The following APBB2 variants were observed in gnomAD, a reference collection of about 807,000 sequenced individuals.
APBB2 encodes amyloid beta precursor protein binding family B member 2.
Under a neutral mutation model 82.5 loss-of-function variants are expected in APBB2, and 38 were observed. The ratio of observed to expected loss-of-function variants is 0.46; its 90% CI spans 0.36 to 0.60. The LOEUF is 0.60. APBB2 is among the 20% of genes least tolerant of loss of function. The probability of loss-of-function intolerance (pLI) is 0.00; values close to 1 mark genes in which losing one functional copy is unlikely to be tolerated. For missense variants in APBB2, 772 were observed against 972.3 expected (o/e 0.79, Z 2.74); for synonymous variants, 341 against 368.2 (o/e 0.93, Z 0.85).
At chr4:40,930,723 C>A (rs931697774) in intron 10 of APBB2, among the ~76,000 whole-genome samples, 1 of 151,988 alleles carries the variant, frequency 6.6e-6, no homozygotes, top group Non-Finnish European at 1.5e-5. Context: ...TTTAGAATTC[C>A]ATAGTATATC....
chr4:41,085,664 A>G (rs1242075675), intron 3 of APBB2, among the ~76,000 whole-genome samples: 1 of 152,214 alleles, frequency 6.6e-6, no homozygotes, highest in African/African-American at 2.4e-5. Flanking sequence ...GAGTAGTGAG[A>G]CAAAGGCACT....
chr4:41,159,248 T>TTC (rs907002705), intron 1 of APBB2, among the ~76,000 whole-genome samples: 24 of 152,104 alleles, frequency 1.6e-4, no homozygotes, highest in Middle Eastern at 3.4e-3. Flanking sequence ...CTCTTTTTCT[T>TTC]TCTCTCTCTC....
chr4:41,119,540 A>G (rs1752167029), intron 2 of APBB2, among the ~76,000 whole-genome samples: 1 of 151,638 alleles, frequency 6.6e-6, no homozygotes, highest in Non-Finnish European at 1.5e-5. Flanking sequence ...AAAAAAAAAA[A>G]AAGTTGGCAA....
intron 6 of APBB2, among the ~76,000 whole-genome samples, chr4:40,969,962 G>T (rs1413749625): frequency 6.6e-6 from 1 of 152,136 alleles, no homozygotes; most frequent in African/African-American, 2.4e-5. Context: ...CTGTATAACA[G>T]CCCTGTAATT....
intron 1 of APBB2, among the ~76,000 whole-genome samples, chr4:41,157,586 T>C (rs139281825): frequency 1.4e-4 from 22 of 152,316 alleles, no homozygotes; most frequent in African/African-American, 4.6e-4. Flanking sequence ...ACTGCTGCAA[T>C]GCATGGATCT....
chr4:40,889,724 T>C (rs1198880060), intron 12 of APBB2, among the ~76,000 whole-genome samples: 1 of 152,244 alleles, frequency 6.6e-6, no homozygotes, highest in African/African-American at 2.4e-5. Flanking sequence ...TCGTTTCCAA[T>C]CATCCTGGAG....
At chr4:41,078,784 T>A (rs1030382265) in intron 3 of APBB2, among the ~76,000 whole-genome samples, 1 of 152,306 alleles carries the variant, frequency 6.6e-6, no homozygotes, top group Admixed American at 6.5e-5. Context: ...GTGACTTTTA[T>A]CCTTATGTCG....
intron 4 of APBB2, among the ~76,000 whole-genome samples, chr4:41,037,503 T>C (rs1316132749): frequency 6.6e-6 from 1 of 152,186 alleles, no homozygotes; most frequent in African/African-American, 2.4e-5. Context: ...TACATGAATA[T>C]TTGCTAGGGT....
Position 41,180,031 on chromosome 4 carries a change from C to G in APBB2, c.-417+34374G>C, listed in dbSNP as rs978818496. Among the ~76,000 whole-genome samples, 2 of 152,138 alleles carry G rather than the reference C, an allele frequency of 1.3e-5. 1 individual carries two copies. Among genetic ancestry groups the G allele is most frequent in the Admixed American group, 1.3e-4 (2 of 15,274 alleles). ...TTTCTTTCATACTTAAATTTCAATG[C>G]TGAATTTAAGAGACCAACATCAGAT... On this transcript the variant is annotated intron_variant, in intron 1 of 17. Transcript: ENST00000508593.
chr4:41,173,813 G>A (rs1192716572), intron 1 of APBB2, among the ~76,000 whole-genome samples: 2 of 151,674 alleles, frequency 1.3e-5, no homozygotes, highest in African/African-American at 2.4e-5. Context: ...ACTCTACAAC[G>A]TTCGCACAAC....
At chr4:41,136,713 G>GT (rs1274271810) in intron 2 of APBB2, among the ~76,000 whole-genome samples, 46 of 152,208 alleles carry the variant, frequency 3.0e-4, no homozygotes, top group Admixed American at 3.0e-3. Context: ...GTAATCTCCA[G>GT]TTAAAGCCCA....
chr4:41,114,565 A>C (rs1750317517), intron 2 of APBB2, among the ~76,000 whole-genome samples: 1 of 152,258 alleles, frequency 6.6e-6, no homozygotes, highest in African/African-American at 2.4e-5. Context: ...TTGTGTATTT[A>C]GAAAGCCCCA....
intron 6 of APBB2, among the ~76,000 whole-genome samples, chr4:40,948,534 G>C (rs1341726899): frequency 6.6e-6 from 1 of 152,074 alleles, no homozygotes; most frequent in Non-Finnish European, 1.5e-5. Context: ...GCCGAGGCGG[G>C]CAGATCACTT....
chr4:40,888,033 A>G lies in APBB2; in HGVS notation c.1529+2331T>C, dbSNP rs559478604. Among the ~76,000 whole-genome samples, 14 of 152,310 alleles carry G rather than the reference A, an allele frequency of 9.2e-5. No individual in the cohort carries two copies. In the East Asian group the frequency reaches 2.3e-3, roughly 25 times the overall value. ...AGATCACGTGATCAAGCGTACTTCA[A>G]GTCTCCCTGCGGTCTGACTCCTCTC... is the stretch of plus-strand genomic sequence containing the variant. On this transcript the variant is annotated intron_variant, in intron 12 of 17. Transcript: ENST00000508593.
At chr4:40,922,005 A>C (rs1781382822) in intron 10 of APBB2, among the ~76,000 whole-genome samples, 1 of 152,312 alleles carries the variant, frequency 6.6e-6, no homozygotes, top group Non-Finnish European at 1.5e-5. Flanking sequence ...CCAACAACAG[A>C]GGGGGAACTA....
At chr4:40,977,694 CAT>C (rs1247502812) in intron 6 of APBB2, among the ~76,000 whole-genome samples, 1 of 152,174 alleles carries the variant, frequency 6.6e-6, no homozygotes, top group African/African-American at 2.4e-5. Flanking sequence ...GAGTCACACA[CAT>C]ATAAAACACA....
intron 1 of APBB2, among the ~76,000 whole-genome samples, chr4:41,144,576 G>T (rs901954229): frequency 1.3e-5 from 2 of 152,152 alleles, no homozygotes; most frequent in Non-Finnish European, 2.9e-5. Flanking sequence ...CTGATCTTCG[G>T]TCTGCCTCTT....
intron 1 of APBB2, among the ~76,000 whole-genome samples, chr4:41,176,661 C>G (rs1456173032): frequency 2.0e-5 from 3 of 151,968 alleles, no homozygotes; most frequent in Admixed American, 6.6e-5. Context: ...ATTCTGAACT[C>G]AGACATTTTG....
chr4:40,943,661 A>G (rs1270434127), intron 7 of APBB2, among the ~76,000 whole-genome samples: 1 of 152,250 alleles, frequency 6.6e-6, no homozygotes, highest in South Asian at 2.1e-4. Context: ...AAAATTGCCC[A>G]GGGAGTAGGA....
Sources: gnomAD v4.1 joint callset for allele counts (sites outside exome capture counted in the v4.1 genomes callset) on GRCh38, gnomAD v4.1.1 for gene constraint, MANE v1.5 for transcripts, NCBI Gene and HGNC (gene_info 2026-07-23, HGNC 2026-07-21) for gene names.